Variants in NCK2 observed in about 807,000 individuals in gnomAD.
NCK2 encodes cytoplasmic protein NCK2.
In NCK2, 16 loss-of-function variants were observed where a neutral mutation model predicts 33.9. The ratio of observed to expected loss-of-function variants is 0.47; its 90% CI spans 0.32 to 0.72. The LOEUF (loss-of-function observed/expected upper bound fraction) is 0.72. NCK2 is among the 30% of genes least tolerant of loss of function. The pLI, the probability that NCK2 is intolerant of heterozygous loss-of-function variation, is 0.03. For missense variants in NCK2, 418 were observed against 537.3 expected (o/e 0.78, Z 2.19); for synonymous variants, 273 against 239.9 (o/e 1.14, Z -1.27).
Position 105,810,015 on chromosome 2 carries a change from A to G in NCK2, c.-200-6415A>G, listed in dbSNP as rs144444679. Reference sequence around the variant, plus strand: ...GGGCCTGAAAGGAGAGTGGGTGCTGAGGTCTCATTCAGTGGCAGGGCCAGG... The same window carrying G: ...GGGCCTGAAAGGAGAGTGGGTGCTGGGGTCTCATTCAGTGGCAGGGCCAGG... On this transcript the variant is annotated intron_variant, in intron 1 of 4. Transcript: ENST00000233154. 1.9e-3 allele frequency among the ~76,000 whole-genome samples: 286 copies of G among 152,240 alleles called. 1 individual carries two copies. The highest frequency in any genetic ancestry group is 2.9e-3 in the Non-Finnish European group (197 of 68,022).
At chr2:105,873,647 G>A (rs1678113128) in intron 3 of NCK2, among the ~76,000 whole-genome samples, 1 of 152,062 alleles carries the variant, frequency 6.6e-6, no homozygotes, top group South Asian at 2.1e-4. Context: ...TGAGGCTGGG[G>A]GAAGGGTGGT....
Position 105,790,101 on chromosome 2 carries a change from C to T in NCK2, c.-200-26329C>T, listed in dbSNP as rs184590123. The stretch of plus-strand genomic sequence containing the variant: ...GGAATGTTACTTCCTATTTGTAGAA[C>T]GAGAAGAATTAAAAGTTGATTTGTG... On this transcript the variant is annotated intron_variant, in intron 1 of 4. Transcript: ENST00000233154. Among the ~76,000 whole-genome samples the T allele has an allele frequency of 7.9e-5, 12 of 152,236 alleles. 1 individual carries two copies. The highest frequency in any genetic ancestry group is 4.6e-4 in the Admixed American group (7 of 15,294).
chr2:105,753,929 A>T (rs1046067649), intron 1 of NCK2, among the ~76,000 whole-genome samples: 1 of 152,162 alleles, frequency 6.6e-6, no homozygotes, highest in Non-Finnish European at 1.5e-5. Flanking sequence ...GACTGCTGCT[A>T]CAGGTCCTGA....
intron 2 of NCK2, among the ~76,000 whole-genome samples, chr2:105,820,982 T>G (rs1675706933): frequency 6.6e-6 from 1 of 152,192 alleles, no homozygotes; most frequent in African/African-American, 2.4e-5. Flanking sequence ...TTCCATTTTG[T>G]GATAGAAGCA....
chr2:105,809,401 C>T (rs896961854), intron 1 of NCK2, among the ~76,000 whole-genome samples: 3 of 152,188 alleles, frequency 2.0e-5, no homozygotes, highest in Non-Finnish European at 4.4e-5. Context: ...ATCAAGGGCT[C>T]AGCAGGGTTG....
At chr2:105,749,853 T>C (rs372870254) in intron 1 of NCK2, among the ~76,000 whole-genome samples, 109 of 152,092 alleles carry the variant, frequency 7.2e-4, no homozygotes, top group African/African-American at 2.6e-3. Context: ...ATTAGTCAGC[T>C]CCAGCTGCCT....
chr2:105,887,828 A>G (rs565095529), intron 4 of NCK2, among the ~76,000 whole-genome samples: 49 of 152,324 alleles, frequency 3.2e-4, no homozygotes, highest in African/African-American at 5.8e-4. Flanking sequence ...ATTTGAGGCA[A>G]TGGATCAAGC....
rs1182755285 is a variant in NCK2, at chr2:105,806,241, T to TC, written c.-200-10189_-200-10188insC. ...TCACACATATCACATTTTCTTTCTT[T>TC]TTTTTTTTTTTTTTGAGACAGAGTC... is the stretch of plus-strand genomic sequence containing the variant. On this transcript the variant is annotated intron_variant, in intron 1 of 4. Coordinates refer to ENST00000233154, the MANE Select transcript of NCK2 (RefSeq NM_003581.5). 1.7e-4 allele frequency among the ~76,000 whole-genome samples: 12 copies of TC among 70,370 alleles called. No individual in the cohort carries two copies. The South Asian group carries it at 3.3e-3, about 19-fold the overall frequency. The allele number at this position is 70,370 out of a possible 152,430, so 46.2% of individuals were successfully genotyped here.
intron 1 of NCK2, among the ~76,000 whole-genome samples, chr2:105,781,683 G>C (rs1226857268): frequency 6.6e-6 from 1 of 152,190 alleles, no homozygotes; most frequent in Admixed American, 6.5e-5. Flanking sequence ...ATAATAAAGA[G>C]CAATGCATGA....
chr2:105,885,937 G>C (rs143028427), intron 4 of NCK2, among the ~76,000 whole-genome samples: 37 of 152,232 alleles, frequency 2.4e-4, no homozygotes, highest in African/African-American at 8.4e-4. Flanking sequence ...ACTGTTTAGA[G>C]TTTGAAAATA....
At chr2:105,813,661 G>A (rs1443442904) in intron 1 of NCK2, among the ~76,000 whole-genome samples, 4 of 152,238 alleles carry the variant, frequency 2.6e-5, no homozygotes, top group South Asian at 2.1e-4. Context: ...GGGACAAGTA[G>A]TGTGGCCTGG....
intron 1 of NCK2, among the ~76,000 whole-genome samples, chr2:105,775,063 T>C (rs1204053546): frequency 1.3e-5 from 2 of 152,172 alleles, no homozygotes; most frequent in African/African-American, 4.8e-5. Context: ...GATGGATTCA[T>C]GTAGAAATTG....
At chr2:105,808,236 C>G (rs1013152394) in intron 1 of NCK2, among the ~76,000 whole-genome samples, 1 of 152,296 alleles carries the variant, frequency 6.6e-6, no homozygotes, top group Non-Finnish European at 1.5e-5. Flanking sequence ...TTACATCATT[C>G]AATGCTTAAG....
chr2:105,758,774 C>G (rs377596558), intron 1 of NCK2, among the ~76,000 whole-genome samples: 1 of 152,154 alleles, frequency 6.6e-6, no homozygotes, highest in Non-Finnish European at 1.5e-5. Flanking sequence ...AAGACTGATA[C>G]TTCTACCCAG....
chr2:105,851,393 A>G (rs1677062827), intron 2 of NCK2, among the ~76,000 whole-genome samples: 1 of 151,954 alleles, frequency 6.6e-6, no homozygotes. Flanking sequence ...CCTCCGGAGT[A>G]GCTGGGACTA....
chr2:105,792,187 A>G (rs1690909093), intron 1 of NCK2, among the ~76,000 whole-genome samples: 2 of 152,126 alleles, frequency 1.3e-5, no homozygotes, highest in African/African-American at 4.8e-5. Context: ...TATGTAGAAG[A>G]TGGTTTGCTG....
chr2:105,783,258 G>A (rs899670688), intron 1 of NCK2, among the ~76,000 whole-genome samples: 9 of 152,156 alleles, frequency 5.9e-5, no homozygotes, highest in South Asian at 2.1e-4. Flanking sequence ...AATGTTCTGC[G>A]TGCTGTTTGT....
intron 2 of NCK2, among the ~76,000 whole-genome samples, chr2:105,819,608 A>T (rs944409239): frequency 6.6e-6 from 1 of 152,188 alleles, no homozygotes; most frequent in Non-Finnish European, 1.5e-5. Context: ...TGGCATGCTC[A>T]CCCAGCAGCT....
chr2:105,782,008 C>T (rs1242687327), intron 1 of NCK2, among the ~76,000 whole-genome samples: 1 of 152,178 alleles, frequency 6.6e-6, no homozygotes, highest in East Asian at 1.9e-4. Context: ...ACCTGAAAAC[C>T]TGCGGCCCAT....
Sources: gnomAD v4.1 joint callset for allele counts (sites outside exome capture counted in the v4.1 genomes callset) on GRCh38, gnomAD v4.1.1 for gene constraint, MANE v1.5 for transcripts, NCBI Gene and HGNC (gene_info 2026-07-23, HGNC 2026-07-21) for gene names.